Variants in SIPA1L2 observed in about 807,000 individuals in gnomAD.
SIPA1L2 encodes signal-induced proliferation-associated 1-like protein 2.
SIPA1L2 carries 56 observed loss-of-function variants against 163.9 expected under a neutral mutation model. That is an observed-to-expected ratio of 0.34 (90% CI 0.28 to 0.43). The LOEUF (loss-of-function observed/expected upper bound fraction) is 0.43, where lower values mean the gene tolerates loss of function less well. SIPA1L2 is among the 20% of genes least tolerant of loss of function. The probability of loss-of-function intolerance (pLI) is 1.00; values close to 1 mark genes in which losing one functional copy is unlikely to be tolerated. For missense variants in SIPA1L2, 1,974 were observed against 2,193.5 expected (o/e 0.90, Z 2.00); for synonymous variants, 877 against 865.7 (o/e 1.01, Z -0.23).
At chr1:232,558,863 A>C (rs1658875252) in intron 2 of SIPA1L2, among the ~76,000 whole-genome samples, 1 of 152,202 alleles carries the variant, frequency 6.6e-6, no homozygotes, top group Non-Finnish European at 1.5e-5. Context: ...AAGACTCACT[A>C]TCCTAGTATA....
intron 7 of SIPA1L2, among the ~76,000 whole-genome samples, chr1:232,478,487 A>G (rs919821678): frequency 1.3e-5 from 2 of 152,234 alleles, no homozygotes; most frequent in Admixed American, 1.3e-4. Flanking sequence ...GAAAAAATGC[A>G]GAATTAGACT....
chr1:232,401,179 G>A (rs931412079), intron 22 of SIPA1L2, among the ~76,000 whole-genome samples: 1 of 151,530 alleles, frequency 6.6e-6, no homozygotes, highest in African/African-American at 2.4e-5. Flanking sequence ...ACTCTCCAAC[G>A]GTTCTACACT....
At chr1:232,527,106 C>T (rs531453493) in intron 2 of SIPA1L2, among the ~76,000 whole-genome samples, 3 of 152,316 alleles carry the variant, frequency 2.0e-5, no homozygotes, top group East Asian at 1.9e-4. Flanking sequence ...AATACTGGCT[C>T]CACTGTGTCA....
chr1:232,538,851 G>A (rs968122836), intron 2 of SIPA1L2, among the ~76,000 whole-genome samples: 8 of 152,148 alleles, frequency 5.3e-5, no homozygotes, highest in Non-Finnish European at 1.0e-4. Flanking sequence ...CACCACTAAT[G>A]ACAAAGACAA....
At chr1:232,479,030 C>CA (rs988459589) in intron 7 of SIPA1L2, among the ~76,000 whole-genome samples, 12 of 151,784 alleles carry the variant, frequency 7.9e-5, no homozygotes, top group East Asian at 5.8e-4. Flanking sequence ...GTAATCTTTG[C>CA]AAAAAAAACT....
At chr1:232,461,280 C>T in intron 9 of SIPA1L2, 119 bp from the exon 10 acceptor site, 1 of 1,275,682 alleles carries the variant, frequency 7.8e-7, no homozygotes, top group Non-Finnish European at 1.1e-6. Context: ...CGCAGCCCAG[C>T]CTGTCTCTCT....
At chr1:232,586,919 G>A (rs529783175) in intron 1 of SIPA1L2, among the ~76,000 whole-genome samples, 3 of 152,200 alleles carry the variant, frequency 2.0e-5, no homozygotes, top group Admixed American at 6.5e-5. Context: ...TAAAGACTGC[G>A]TCTATTATTT....
intron 1 of SIPA1L2, among the ~76,000 whole-genome samples, chr1:232,605,560 G>A (rs1661867511): frequency 6.6e-6 from 1 of 152,188 alleles, no homozygotes; most frequent in Admixed American, 6.5e-5. Flanking sequence ...CGGGCATGGT[G>A]GCGGGTGCCT....
intron 10 of SIPA1L2, among the ~76,000 whole-genome samples, chr1:232,448,154 A>G (rs1476655806): frequency 6.6e-6 from 1 of 152,192 alleles, no homozygotes; most frequent in East Asian, 1.9e-4. Context: ...TTAGCCTAAA[A>G]TATATGATTT....
intron 2 of SIPA1L2, among the ~76,000 whole-genome samples, chr1:232,573,692 C>T (rs912140927): frequency 6.6e-6 from 1 of 152,104 alleles, no homozygotes; most frequent in African/African-American, 2.4e-5. Context: ...CCCCCAGCCC[C>T]GGGCAGAGCA....
At chr1:232,414,966 A>G (rs146514233) in intron 19 of SIPA1L2, among the ~76,000 whole-genome samples, 69 of 152,194 alleles carry the variant, frequency 4.5e-4, no homozygotes, top group Non-Finnish European at 8.4e-4. Flanking sequence ...TAGCCCACCT[A>G]CCCTCACTGA....
At chr1:232,433,041 C>T (rs1393840841) in intron 15 of SIPA1L2, among the ~76,000 whole-genome samples, 4 of 152,142 alleles carry the variant, frequency 2.6e-5, no homozygotes, top group Non-Finnish European at 5.9e-5. Context: ...ACAGCAATCC[C>T]ACTCCAAGGG....
At chr1:232,512,633 G>A (rs374175150) in intron 3 of SIPA1L2, among the ~76,000 whole-genome samples, 13 of 151,956 alleles carry the variant, frequency 8.6e-5, no homozygotes, top group African/African-American at 2.4e-4. Context: ...AAAACCAAAC[G>A]CTGCATGTTC....
intron 18 of SIPA1L2, among the ~76,000 whole-genome samples, chr1:232,420,557 T>C (rs1025647930): frequency 2.6e-5 from 4 of 152,140 alleles, no homozygotes; most frequent in Non-Finnish European, 5.9e-5. Context: ...AGACTGTGGC[T>C]GGGCGTGGTG....
At chr1:232,463,694 T>G (rs1186571740) in intron 9 of SIPA1L2, among the ~76,000 whole-genome samples, 1 of 152,176 alleles carries the variant, frequency 6.6e-6, no homozygotes, top group Admixed American at 6.5e-5. Context: ...AAAGAAGTAT[T>G]TGCAATTAGC....
At chr1:232,413,401 C>T (rs1185320868) in intron 19 of SIPA1L2, among the ~76,000 whole-genome samples, 4 of 151,930 alleles carry the variant, frequency 2.6e-5, no homozygotes, top group African/African-American at 9.7e-5. Flanking sequence ...CTCTAATCCC[C>T]TGGAAAAAAA....
chr1:232,578,587 A>G (rs566504117), intron 1 of SIPA1L2, among the ~76,000 whole-genome samples: 7 of 152,340 alleles, frequency 4.6e-5, no homozygotes, highest in African/African-American at 1.4e-4. Context: ...AGTTTACAAA[A>G]TAAGTCTTTT....
chr1:232,558,528 T>C (rs1267813533), intron 2 of SIPA1L2, among the ~76,000 whole-genome samples: 1 of 152,226 alleles, frequency 6.6e-6, no homozygotes, highest in Non-Finnish European at 1.5e-5. Context: ...GGTGAGCATA[T>C]TTAGTTTTGT....
At position 232,403,580 on chromosome 1, in the gene SIPA1L2, G is replaced by C. The variant is rs186222840; in HGVS notation, c.4817-9C>G. ...GGATGCCACCCTCTGGTCTGGGGAG[G>C]GGAGAAACACACACAGAAAGAAGGG... On this transcript the variant is annotated splice_polypyrimidine_tract_variant and intron_variant, in intron 20 of 22. Coordinates refer to ENST00000674635, the MANE Select transcript of SIPA1L2 (RefSeq NM_020808.5). The C allele has an allele frequency of 1.8e-4, 282 of 1,609,058 alleles. 1 individual carries two copies. The East Asian group carries it at 4.9e-3, about 28-fold the overall frequency.
Sources: gnomAD v4.1 joint callset for allele counts (sites outside exome capture counted in the v4.1 genomes callset) on GRCh38, gnomAD v4.1.1 for gene constraint, MANE v1.5 for transcripts, NCBI Gene and HGNC (gene_info 2026-07-23, HGNC 2026-07-21) for gene names.